The following BRD10 variants were observed in gnomAD, a reference collection of about 807,000 sequenced individuals.
The protein encoded by BRD10 is uncharacterized bromodomain-containing protein 10.
chr9:5,939,461 T>C, the BRD10 span, among the ~76,000 whole-genome samples: 8 of 152,188 alleles, frequency 5.3e-5, no homozygotes, highest in Non-Finnish European at 4.4e-5. Context: ...TAAGGGAAGC[T>C]AAGGTCAAGA....
the BRD10 span, among the ~76,000 whole-genome samples, chr9:5,963,749 C>T: frequency 3.9e-5 from 6 of 152,038 alleles, no homozygotes; most frequent in Admixed American, 2.6e-4. Context: ...GAAATAATGC[C>T]GCATACCTAC....
At chr9:5,893,520 G>C in the BRD10 span, among the ~76,000 whole-genome samples, 1 of 152,162 alleles carries the variant, frequency 6.6e-6, no homozygotes, top group African/African-American at 2.4e-5. Flanking sequence ...CCCTGGTATA[G>C]GATCCTCTAA....
the BRD10 span, among the ~76,000 whole-genome samples, chr9:5,879,028 T>A: frequency 6.6e-6 from 1 of 152,232 alleles, no homozygotes; most frequent in Non-Finnish European, 1.5e-5. Context: ...CTCACTTTAC[T>A]CTCTGCTGTT....
At chr9:5,936,250 G>T in the BRD10 span, among the ~76,000 whole-genome samples, 1 of 152,172 alleles carries the variant, frequency 6.6e-6, no homozygotes, top group Non-Finnish European at 1.5e-5. Flanking sequence ...CAGCTACTGG[G>T]GAGGCTGAGG....
the BRD10 span, chr9:5,919,773 T>A: frequency 1.2e-6 from 2 of 1,613,452 alleles, no homozygotes. Context: ...GATACAACAA[T>A]CTGAGAGAGA....
chr9:5,945,743 C>T, the BRD10 span, among the ~76,000 whole-genome samples: 34 of 151,948 alleles, frequency 2.2e-4, no homozygotes, highest in Admixed American at 3.3e-4. Flanking sequence ...TGAATTTCTC[C>T]AATTCATTCA....
the BRD10 span, among the ~76,000 whole-genome samples, chr9:5,943,560 A>AC: frequency 7.3e-5 from 11 of 151,534 alleles, no homozygotes; most frequent in African/African-American, 2.7e-4. Context: ...AAAAAAAAAA[A>AC]CCCTCTGGCT....
chr9:5,986,436 G>A, the BRD10 span, among the ~76,000 whole-genome samples: 1 of 152,102 alleles, frequency 6.6e-6, no homozygotes, highest in African/African-American at 2.4e-5. Flanking sequence ...ATGAACATAG[G>A]CATGCACGTA....
At chr9:6,007,879 C>T in the BRD10 span, 1 of 1,369,318 alleles carries the variant, frequency 7.3e-7, no homozygotes, top group South Asian at 1.7e-5. Flanking sequence ...GGCTCGGCCG[C>T]GGCGCGTAGC....
chr9:5,956,131 A>C, the BRD10 span, among the ~76,000 whole-genome samples: 1 of 152,186 alleles, frequency 6.6e-6, no homozygotes, highest in Admixed American at 6.5e-5. Context: ...GCTTAAAAAA[A>C]AAGCGCCATT....
At chr9:5,891,409 G>C in the BRD10 span, 1 of 152,160 alleles carries the variant, frequency 6.6e-6, no homozygotes, top group African/African-American at 2.4e-5. Flanking sequence ...TGGTGAGTTT[G>C]ACTTTCATTT....
chr9:5,975,439 CAAAAAAAAAAAAAAA>C, the BRD10 span, among the ~76,000 whole-genome samples: 2 of 61,222 alleles, frequency 3.3e-5, no homozygotes, highest in East Asian at 6.9e-4. Context: ...AACTCCATCT[CAAAAAAAAAAAAAAA>C]AAAAAAAAAA....
the BRD10 span, among the ~76,000 whole-genome samples, chr9:5,995,249 G>A: frequency 6.6e-6 from 1 of 152,138 alleles, no homozygotes; most frequent in Non-Finnish European, 1.5e-5. Flanking sequence ...TCTCGCAGGT[G>A]ACTGCCCATA....
the BRD10 span, chr9:5,923,340 A>T: frequency 6.7e-7 from 1 of 1,500,026 alleles, no homozygotes; most frequent in Non-Finnish European, 9.0e-7. Flanking sequence ...CATTTTGTTT[A>T]TATAAAACAG....
the BRD10 span, among the ~76,000 whole-genome samples, chr9:5,902,077 G>T: frequency 6.6e-6 from 1 of 152,206 alleles, no homozygotes; most frequent in Non-Finnish European, 1.5e-5. Flanking sequence ...AGGTTATAGA[G>T]AATTGGTATA....
At chr9:5,902,992 C>T in the BRD10 span, among the ~76,000 whole-genome samples, 2 of 152,320 alleles carry the variant, frequency 1.3e-5, no homozygotes, top group East Asian at 3.9e-4. Flanking sequence ...GCTTGCACTG[C>T]TAAGCAGTAT....
the BRD10 span, among the ~76,000 whole-genome samples, chr9:5,990,202 C>T: frequency 6.6e-6 from 1 of 152,180 alleles, no homozygotes; most frequent in Non-Finnish European, 1.5e-5. Flanking sequence ...ATTGCGGACC[C>T]AGGGAAGATA....
At chr9:5,898,380 A>T in the BRD10 span, among the ~76,000 whole-genome samples, 1 of 152,178 alleles carries the variant, frequency 6.6e-6, no homozygotes, top group African/African-American at 2.4e-5. Flanking sequence ...CTACTTTTGC[A>T]ATAACAAACA....
At chr9:5,989,156 G>C in the BRD10 span, among the ~76,000 whole-genome samples, 1 of 148,920 alleles carries the variant, frequency 6.7e-6, no homozygotes, top group Non-Finnish European at 1.5e-5. Flanking sequence ...CTTGAACCAG[G>C]AGGAGGCAGA....
Sources: allele counts gnomAD v4.1 joint callset (sites outside exome capture counted in the v4.1 genomes callset), GRCh38; gene constraint gnomAD v4.1.1; transcripts MANE v1.5; gene names NCBI Gene and HGNC (gene_info 2026-07-23, HGNC 2026-07-21).